Variants in PPFIA2 observed in about 807,000 individuals in gnomAD.
The protein encoded by PPFIA2 is PPFI scaffold protein A2, also known as liprin-alpha-2.
A neutral mutation model predicts 175.5 loss-of-function variants in PPFIA2; 46 were observed. The ratio of observed to expected loss-of-function variants is 0.26; its 90% CI spans 0.21 to 0.34. The LOEUF is 0.34. PPFIA2 is among the 10% of genes least tolerant of loss of function. PPFIA2 has a pLI of 1.00. For synonymous variants in PPFIA2, 568 were observed against 511.4 expected, an observed-to-expected ratio of 1.11 and a Z score of -1.49; for missense variants, 1,179 against 1,506.1, an observed-to-expected ratio of 0.78 and a Z score of 3.60.
At chr12:81,534,151 C>T (rs1377249290) in intron 4 of PPFIA2, among the ~76,000 whole-genome samples, 1 of 151,290 alleles carries the variant, frequency 6.6e-6, no homozygotes, top group Non-Finnish European at 1.5e-5. Context: ...ATGGTAGTTA[C>T]CAGAGGCTGG....
chr12:81,329,153 C>T (rs1216962458), intron 21 of PPFIA2, among the ~76,000 whole-genome samples: 1 of 152,052 alleles, frequency 6.6e-6, no homozygotes, highest in Non-Finnish European at 1.5e-5. Flanking sequence ...AAACACTGGC[C>T]TGTGGAAACT....
chr12:81,687,332 C>A lies in PPFIA2; in HGVS notation c.250-10488G>T, dbSNP rs2074563536. 2 of 152,004 alleles carry A rather than the reference C, an allele frequency of 1.3e-5. 1 individual carries two copies. Among genetic ancestry groups the A allele is most frequent in the Admixed American group, 1.3e-4 (2 of 15,236 alleles). The allele number at this position is 152,004 out of a possible 1,614,324, so 9.4% of individuals were successfully genotyped here. A position where few individuals can be genotyped will look rare whatever the true frequency, so the allele number is the denominator to read the frequency against. On this transcript the variant is annotated intron_variant, in intron 3 of 32. Coordinates refer to ENST00000549396, the MANE Select transcript of PPFIA2 (RefSeq NM_003625.5). ...CCCTGCACTCTTATCATAATGAATC[C>A]TGCACTTCCTTATTGTGACAAGTGT...
intron 18 of PPFIA2, among the ~76,000 whole-genome samples, chr12:81,345,461 T>C (rs1045505838): frequency 1.3e-5 from 2 of 152,094 alleles, no homozygotes; most frequent in Admixed American, 1.3e-4. Flanking sequence ...AGAGAATTCA[T>C]GAAAGCACTG....
In PPFIA2 at chr12:81,297,328, A is replaced by T. The variant is rs150775663; in HGVS notation, c.2724+1973T>A. Among the ~76,000 whole-genome samples the T allele has an allele frequency of 5.8e-3, 884 of 152,334 alleles. 4 individuals carry two copies. Among genetic ancestry groups the T allele is most frequent in the Non-Finnish European group, 7.2e-3 (490 of 68,028 alleles). ...TGCCAAATTTGGGGGTAATTTGTAA[A>T]CAGCAATAGCTAACCAGTATAAACA... On this transcript the variant is annotated intron_variant, in intron 23 of 32. Coordinates refer to ENST00000549396, the MANE Select transcript of PPFIA2 (RefSeq NM_003625.5).
intron 26 of PPFIA2, among the ~76,000 whole-genome samples, chr12:81,282,170 A>G (rs2042225374): frequency 6.6e-6 from 1 of 152,000 alleles, no homozygotes; most frequent in Non-Finnish European, 1.5e-5. Context: ...AACCATTACC[A>G]CTAAACCAAT....
intron 4 of PPFIA2, among the ~76,000 whole-genome samples, chr12:81,499,257 A>G (rs998550870): frequency 6.6e-6 from 1 of 152,212 alleles, no homozygotes; most frequent in African/African-American, 2.4e-5. Flanking sequence ...CAACCACTAC[A>G]AAAACTAGAG....
intron 4 of PPFIA2, among the ~76,000 whole-genome samples, chr12:81,461,335 G>A (rs1325021908): frequency 6.6e-6 from 1 of 151,976 alleles, no homozygotes; most frequent in East Asian, 1.9e-4. Flanking sequence ...ATTCTAAAAC[G>A]TTTAGATTTC....
At chr12:81,408,602 CT>C (rs974111026) in intron 7 of PPFIA2, among the ~76,000 whole-genome samples, 7 of 151,970 alleles carry the variant, frequency 4.6e-5, no homozygotes, top group Non-Finnish European at 1.5e-5. Flanking sequence ...ATTAATGTCC[CT>C]ATTAAAAAAT....
intron 4 of PPFIA2, among the ~76,000 whole-genome samples, chr12:81,513,861 G>T (rs1826309746): frequency 6.6e-6 from 1 of 151,882 alleles, no homozygotes; most frequent in Admixed American, 6.6e-5. Context: ...ATCCAGATTT[G>T]TCATCTATGA....
chr12:81,741,063 G>C (rs903165418), intron 3 of PPFIA2, among the ~76,000 whole-genome samples: 3 of 152,082 alleles, frequency 2.0e-5, no homozygotes, highest in Non-Finnish European at 2.9e-5. Context: ...TGAAAAAAAT[G>C]GAATTTCAAA....
At chr12:81,602,803 C>T (rs1372438851) in intron 4 of PPFIA2, among the ~76,000 whole-genome samples, 2 of 151,806 alleles carry the variant, frequency 1.3e-5, no homozygotes, top group Non-Finnish European at 2.9e-5. Flanking sequence ...TTAATTGCGG[C>T]ACTGTTCTCA....
intron 4 of PPFIA2, among the ~76,000 whole-genome samples, chr12:81,538,398 T>C (rs2065716521): frequency 6.6e-6 from 1 of 151,862 alleles, no homozygotes; most frequent in Non-Finnish European, 1.5e-5. Context: ...TAAAACATAA[T>C]GGAGTTTAGG....
At chr12:81,543,603 T>C (rs1423464758) in intron 4 of PPFIA2, among the ~76,000 whole-genome samples, 1 of 152,172 alleles carries the variant, frequency 6.6e-6, no homozygotes, top group African/African-American at 2.4e-5. Flanking sequence ...CATAACTCCC[T>C]ACTCTTTAAA....
At position 81,335,269 on chromosome 12, in the gene PPFIA2, G is replaced by T. The variant is rs147702174; in HGVS notation, c.2548+3911C>A. Among the ~76,000 whole-genome samples the T allele has an allele frequency of 3.7e-3, 567 of 152,226 alleles. 4 individuals are homozygous for T. Among genetic ancestry groups the T allele is most frequent in the African/African-American group, 0.013 (544 of 41,536 alleles). On this transcript the variant is annotated intron_variant, in intron 21 of 32. Coordinates refer to ENST00000549396, the MANE Select transcript of PPFIA2 (RefSeq NM_003625.5). ...TATCAGAGATGCATTGCATATGGATGCATAAATTGAGGGGTGGGGAGAGAT... is the reference window on the plus strand; with the variant it reads ...TATCAGAGATGCATTGCATATGGATTCATAAATTGAGGGGTGGGGAGAGAT...
At chr12:81,500,324 C>T (rs956403761) in intron 4 of PPFIA2, among the ~76,000 whole-genome samples, 1 of 152,110 alleles carries the variant, frequency 6.6e-6, no homozygotes, top group African/African-American at 2.4e-5. Context: ...TACACTACCC[C>T]CTCCCAACTT....
Position 81,283,164 on chromosome 12 carries a change from T to C in PPFIA2, c.2989-125A>G, listed in dbSNP as rs562901625. ...AAAATATTTTGTATAACAGGTAGAA[T>C]AAACACACAGATTCATAGACCCACA... On this transcript the variant is annotated intron_variant, in intron 25 of 32. Coordinates refer to ENST00000549396, the MANE Select transcript of PPFIA2 (RefSeq NM_003625.5). 4 of 878,630 alleles carry C rather than the reference T, an allele frequency of 4.6e-6. No individual in the cohort carries two copies. In the South Asian group the frequency reaches 6.2e-5, roughly 14 times the overall value. 54.4% of individuals were successfully genotyped at this position (878,630 alleles called of 1,614,324 possible). A position where few individuals can be genotyped will look rare whatever the true frequency, so the allele number is the denominator to read the frequency against.
At chr12:81,710,002 A>C (rs942674864) in intron 3 of PPFIA2, among the ~76,000 whole-genome samples, 29 of 152,030 alleles carry the variant, frequency 1.9e-4, no homozygotes, top group African/African-American at 7.0e-4. Context: ...TTGCCAATTC[A>C]ATAGGGGATA....
In PPFIA2 at chr12:81,281,267, T is replaced by C; in HGVS notation, c.3202A>G (p.Ser1068Gly). ...DLRVHLKMVD[S>G]FHRTSLQYGI... ...AGAAAAAACACCTACCGATGGAAAC[T>C]ATCCACCATTTTTAAATGGACACGG... Residue 1068 changes from serine (S) to glycine (G), a missense_variant, in exon 27 of 33, where the codon AGT (serine) becomes GGT (glycine). Ser to Gly is a moderately conservative substitution (Grantham distance 56). Coordinates refer to ENST00000549396, the MANE Select transcript of PPFIA2 (RefSeq NM_003625.5). 6.3e-7 allele frequency: 1 copy of C among 1,598,498 alleles called. No homozygotes were observed. The highest frequency in any genetic ancestry group is 8.5e-7 in the Non-Finnish European group (1 of 1,171,476).
chr12:81,501,455 T>C (rs1156649311), intron 4 of PPFIA2, among the ~76,000 whole-genome samples: 1 of 152,188 alleles, frequency 6.6e-6, no homozygotes, highest in South Asian at 2.1e-4. Context: ...TTTTGTTTAC[T>C]GTCTATGCCT....
Sources: allele counts gnomAD v4.1 joint callset (sites outside exome capture counted in the v4.1 genomes callset), GRCh38; gene constraint gnomAD v4.1.1; transcripts MANE v1.5; gene names NCBI Gene and HGNC (gene_info 2026-07-23, HGNC 2026-07-21).